Variants in ATP8B4 observed in about 807,000 individuals in gnomAD.
The protein encoded by ATP8B4 is probable phospholipid-transporting ATPase IM.
In ATP8B4, 133 loss-of-function variants were observed where a neutral mutation model predicts 145.6. That is an observed-to-expected ratio of 0.91 (90% CI 0.79 to 1.05). The LOEUF is 1.05. Ranked by LOEUF, ATP8B4 falls within the 50% of genes least tolerant of loss-of-function variation. ATP8B4 has a pLI of 0.00. For synonymous variants in ATP8B4, 507 were observed against 492.9 expected, an observed-to-expected ratio of 1.03 and a Z score of -0.38; for missense variants, 1,458 against 1,425.2, an observed-to-expected ratio of 1.02 and a Z score of -0.37.
chr15:50,168,928 A>G (rs188215265), intron 1 of ATP8B4, among the ~76,000 whole-genome samples: 1 of 152,242 alleles, frequency 6.6e-6, no homozygotes, highest in African/African-American at 2.4e-5. Context: ...TTCCCTGACA[A>G]CCTGCATGAC....
At chr15:49,918,093 G>A (rs28699236) in intron 19 of ATP8B4, among the ~76,000 whole-genome samples, 34,575 of 152,170 alleles carry the variant, frequency 0.23, 5,615 homozygotes, top group African/African-American at 0.46. Context: ...ATGCCAGTTA[G>A]TTGAATATTT....
At chr15:50,123,346 C>T (rs1398103473), upstream of ATP8B4, among the ~76,000 whole-genome samples, 1 of 152,136 alleles carries the variant, frequency 6.6e-6, no homozygotes, top group Non-Finnish European at 1.5e-5. Context: ...CCAAACAAAC[C>T]CCCTTCTTAC....
chr15:50,043,424 A>G (rs1417524521), intron 5 of ATP8B4, among the ~76,000 whole-genome samples: 1 of 152,004 alleles, frequency 6.6e-6, no homozygotes, highest in East Asian at 1.9e-4. Context: ...TTTTTTCTCT[A>G]AAGGCTATAT....
intron 7 of ATP8B4, among the ~76,000 whole-genome samples, chr15:50,007,128 G>A (rs900735516): frequency 2.0e-5 from 3 of 151,836 alleles, no homozygotes; most frequent in Non-Finnish European, 2.9e-5. Flanking sequence ...TAAATAAAAG[G>A]TAAGTAACTT....
At chr15:50,020,374 G>A (rs1003623564) in intron 6 of ATP8B4, among the ~76,000 whole-genome samples, 20 of 150,034 alleles carry the variant, frequency 1.3e-4, no homozygotes, top group African/African-American at 4.9e-4. Flanking sequence ...GGTTCAAGCA[G>A]TTGTCCTGCC....
At chr15:50,072,980 CTATATATA>C (rs374525582) in intron 3 of ATP8B4, among the ~76,000 whole-genome samples, 565 of 22,750 alleles carry the variant, frequency 0.025, 17 homozygotes, top group Middle Eastern at 0.038. Flanking sequence ...CTCTCTCTCT[CTATATATA>C]TATATATATA....
intron 1 of ATP8B4, among the ~76,000 whole-genome samples, chr15:50,179,316 C>G (rs973682818): frequency 5.3e-5 from 8 of 152,006 alleles, no homozygotes; most frequent in Admixed American, 4.6e-4. Context: ...AGAGATGTAC[C>G]AAGAATGGGC....
At chr15:49,901,692 T>C in intron 20 of ATP8B4, 1 of 308,818 alleles carries the variant, frequency 3.2e-6, no homozygotes, top group South Asian at 2.8e-5. Flanking sequence ...TTCATCAATT[T>C]GAGGTACAAT....
chr15:49,963,729 G>A (rs771537196), intron 13 of ATP8B4, among the ~76,000 whole-genome samples: 5 of 151,976 alleles, frequency 3.3e-5, no homozygotes, highest in African/African-American at 7.3e-5. Context: ...GGACACATGC[G>A]GGATACAGCA....
intron 24 of ATP8B4, 137 bp from the exon 25 acceptor site, chr15:49,876,660 T>C: frequency 8.4e-7 from 1 of 1,191,356 alleles, no homozygotes; most frequent in Non-Finnish European, 1.2e-6. Flanking sequence ...GAACAGGACA[T>C]TATCTTGTTT....
At chr15:50,131,273 T>C (rs1233720942) in intron 1 of ATP8B4, among the ~76,000 whole-genome samples, 1 of 152,196 alleles carries the variant, frequency 6.6e-6, no homozygotes, top group Non-Finnish European at 1.5e-5. Flanking sequence ...TAAGAACTTC[T>C]AATAGCTATG....
At chr15:49,984,043 A>G (rs2046386759) in intron 10 of ATP8B4, among the ~76,000 whole-genome samples, 1 of 152,378 alleles carries the variant, frequency 6.6e-6, no homozygotes, top group South Asian at 2.1e-4. Flanking sequence ...CATTCAATAA[A>G]TAATTTGTAA....
chr15:49,865,774 A>G (rs1276440190), intron 26 of ATP8B4, among the ~76,000 whole-genome samples: 1 of 152,228 alleles, frequency 6.6e-6, no homozygotes, highest in Non-Finnish European at 1.5e-5. Context: ...TCGCATGGAA[A>G]GAAGAAACTT....
chr15:49,961,483 T>G (rs1380476681), intron 14 of ATP8B4, among the ~76,000 whole-genome samples: 1 of 152,228 alleles, frequency 6.6e-6, no homozygotes, highest in Non-Finnish European at 1.5e-5. Context: ...AAATAACATA[T>G]GTACACAGTT....
At chr15:49,889,332 A>G (rs1434239909) in intron 23 of ATP8B4, among the ~76,000 whole-genome samples, 1 of 152,174 alleles carries the variant, frequency 6.6e-6, no homozygotes, top group Non-Finnish European at 1.5e-5. Flanking sequence ...CTGCCAGAGT[A>G]AAGATTCTAG....
At chr15:50,144,125 A>G (rs1324080833) in intron 1 of ATP8B4, among the ~76,000 whole-genome samples, 1 of 152,208 alleles carries the variant, frequency 6.6e-6, no homozygotes, top group African/African-American at 2.4e-5. Flanking sequence ...TTAGGAAGGC[A>G]ATCCTGGCCA....
intron 1 of ATP8B4, among the ~76,000 whole-genome samples, chr15:50,175,463 A>T (rs1166936763): frequency 6.6e-6 from 1 of 152,196 alleles, no homozygotes; most frequent in East Asian, 1.9e-4. Context: ...TCTAATCAGT[A>T]AGAAACGAAG....
At chr15:49,933,592 A>T (rs2041460716) in intron 15 of ATP8B4, among the ~76,000 whole-genome samples, 1 of 152,100 alleles carries the variant, frequency 6.6e-6, no homozygotes, top group Admixed American at 6.6e-5. Flanking sequence ...TTCTAAGCAT[A>T]TGTCTGAAGG....
chr15:49,879,474 A>C lies in ATP8B4; in HGVS notation c.2698-15T>G. On this transcript the variant is annotated splice_polypyrimidine_tract_variant and intron_variant, in intron 23 of 27. Transcript: ENST00000284509. ...TCATAAACAGTCTGAAAAGAAATAT[A>C]ACATATAAGTGAGAAACATCATCCA... 5.7e-6 allele frequency: 9 copies of C among 1,571,684 alleles called. No homozygotes were observed. The highest frequency in any genetic ancestry group is 7.0e-6 in the Non-Finnish European group (8 of 1,149,276).
Sources: allele counts gnomAD v4.1 joint callset (sites outside exome capture counted in the v4.1 genomes callset), GRCh38; gene constraint gnomAD v4.1.1; transcripts MANE v1.5; gene names NCBI Gene and HGNC (gene_info 2026-07-23, HGNC 2026-07-21).